CD200R1: variants seen among roughly 807,000 people sequenced by gnomAD.
CD200R1 encodes the protein CD200 receptor 1.
CD200R1 carries 30 observed loss-of-function variants against 38.1 expected under a neutral mutation model. That is an observed-to-expected ratio of 0.79 (90% CI 0.59 to 1.07). The LOEUF (loss-of-function observed/expected upper bound fraction) is 1.07, where lower values mean the gene tolerates loss of function less well. Among genes scored for constraint, CD200R1 ranks in the 50% least tolerant of loss-of-function variants. CD200R1 has a pLI of 0.00. For missense variants in CD200R1, 372 were observed against 415.4 expected (o/e 0.90, Z 0.91); for synonymous variants, 128 against 152.1 (o/e 0.84, Z 1.16).
intron 1 of CD200R1, among the ~76,000 whole-genome samples, chr3:112,964,078 G>C (rs1404244897): frequency 6.6e-6 from 1 of 152,184 alleles, no homozygotes; most frequent in Non-Finnish European, 1.5e-5. Context: ...GTCAAGAATG[G>C]GGGTTTGGGA....
intron 2 of CD200R1, among the ~76,000 whole-genome samples, chr3:112,938,485 A>G (rs1008936226): frequency 6.6e-6 from 1 of 152,134 alleles, no homozygotes; most frequent in African/African-American, 2.4e-5. Flanking sequence ...ACAACTACAC[A>G]TGAATAAATT....
chr3:112,947,947 G>T (rs116078143), intron 1 of CD200R1, 23 bp from the exon 2 acceptor site: 19,532 of 1,504,954 alleles, frequency 0.013, 171 homozygotes, highest in Non-Finnish European at 0.015. Context: ...AAAGACATAG[G>T]GGGTAGAGAG....
At chr3:112,949,700 A>C (rs1227712159) in intron 1 of CD200R1, among the ~76,000 whole-genome samples, 1 of 152,234 alleles carries the variant, frequency 6.6e-6, no homozygotes, top group Non-Finnish European at 1.5e-5. Flanking sequence ...AATTAACCCA[A>C]ACTGAAGTGA....
intron 6 of CD200R1, 136 bp downstream of exon 6, chr3:112,924,949 T>C (rs1204754119): frequency 1.5e-6 from 1 of 662,072 alleles, no homozygotes; most frequent in East Asian, 2.9e-5. Context: ...TCCAAGTCTA[T>C]CTAACACCTT....
At chr3:112,965,853 C>T (rs374929930) in intron 1 of CD200R1, among the ~76,000 whole-genome samples, 1 of 152,052 alleles carries the variant, frequency 6.6e-6, no homozygotes, top group Non-Finnish European at 1.5e-5. Context: ...AATGAGGAAG[C>T]TAACTGGTCA....
chr3:112,947,204 C>T (rs1462868678), intron 2 of CD200R1, among the ~76,000 whole-genome samples: 1 of 152,100 alleles, frequency 6.6e-6, no homozygotes, highest in Non-Finnish European at 1.5e-5. Flanking sequence ...ATGGTGGAGA[C>T]ATGTCATTAT....
chr3:112,935,953 T>A (rs1282375494), intron 2 of CD200R1, among the ~76,000 whole-genome samples: 9 of 152,064 alleles, frequency 5.9e-5, no homozygotes, highest in Admixed American at 3.3e-4. Context: ...CTCCTCCCAC[T>A]CCCCACCCTC....
chr3:112,950,300 G>C (rs1940948537), intron 1 of CD200R1, among the ~76,000 whole-genome samples: 1 of 151,806 alleles, frequency 6.6e-6, no homozygotes. Context: ...TACTTGGGAG[G>C]CTGATGCAGA....
At chr3:112,964,881 G>A (rs912482616) in intron 1 of CD200R1, among the ~76,000 whole-genome samples, 13 of 152,072 alleles carry the variant, frequency 8.5e-5, no homozygotes, top group Admixed American at 5.9e-4. Context: ...TGAACCATGG[G>A]GGCAGGTCTT....
chr3:112,948,556 T>A (rs1469491797), intron 1 of CD200R1, among the ~76,000 whole-genome samples: 1 of 152,196 alleles, frequency 6.6e-6, no homozygotes, highest in African/African-American at 2.4e-5. Context: ...ATAGGGTTCA[T>A]GCTCCTGTGA....
At chr3:112,951,990 T>C (rs535833227) in intron 1 of CD200R1, among the ~76,000 whole-genome samples, 29 of 151,430 alleles carry the variant, frequency 1.9e-4, no homozygotes, top group Non-Finnish European at 3.4e-4. Context: ...AATTCTAAAA[T>C]TTATATATGA....
At chr3:112,938,074 C>A (rs2107314582) in intron 2 of CD200R1, among the ~76,000 whole-genome samples, 1 of 152,228 alleles carries the variant, frequency 6.6e-6, no homozygotes, top group South Asian at 2.1e-4. Flanking sequence ...TACTTATCAG[C>A]TTAAGAAGCT....
At chr3:112,970,922 T>A (rs1425318009) in intron 1 of CD200R1, among the ~76,000 whole-genome samples, 2 of 152,196 alleles carry the variant, frequency 1.3e-5, no homozygotes, top group Non-Finnish European at 2.9e-5. Flanking sequence ...TCCTATCTTT[T>A]ATAGACTGGA....
chr3:112,972,314 C>A (rs1559704518), intron 1 of CD200R1, among the ~76,000 whole-genome samples: 1 of 152,182 alleles, frequency 6.6e-6, no homozygotes, highest in Non-Finnish European at 1.5e-5. Flanking sequence ...GCCAAAGCTA[C>A]CTTAGAGCCC....
chr3:112,974,406 A>C (rs1933389238), intron 1 of CD200R1, among the ~76,000 whole-genome samples: 1 of 152,192 alleles, frequency 6.6e-6, no homozygotes, highest in African/African-American at 2.4e-5. Context: ...ACTGCACTCC[A>C]GCCTGGGCAA....
At chr3:112,970,132 T>G (rs900825794) in intron 1 of CD200R1, among the ~76,000 whole-genome samples, 1 of 152,126 alleles carries the variant, frequency 6.6e-6, no homozygotes, top group African/African-American at 2.4e-5. Flanking sequence ...AAGCCATGAT[T>G]GCACCACTGC....
chr3:112,937,228 G>A lies in CD200R1; in HGVS notation c.137-6057C>T, dbSNP rs113267153. 7.3e-4 allele frequency among the ~76,000 whole-genome samples: 111 copies of A among 152,220 alleles called. 1 individual carries two copies. Among genetic ancestry groups the A allele is most frequent in the African/African-American group, 2.5e-3 (104 of 41,548 alleles). ...CCCTTATAAAACCGTCAAATCTCAT[G>A]AGAATTCACTCACTATCATGAGAAC... On this transcript the variant is annotated intron_variant, in intron 2 of 7. Coordinates refer to ENST00000308611, the MANE Select transcript of CD200R1 (RefSeq NM_138806.4).
At chr3:112,926,083 C>A (rs1940274790) in intron 5 of CD200R1, among the ~76,000 whole-genome samples, 1 of 152,096 alleles carries the variant, frequency 6.6e-6, no homozygotes, top group Admixed American at 6.6e-5. Flanking sequence ...GGAAAAGTAA[C>A]CCTAATTCTG....
intron 1 of CD200R1, among the ~76,000 whole-genome samples, chr3:112,960,736 G>T (rs943044443): frequency 1.3e-5 from 2 of 151,970 alleles, no homozygotes; most frequent in South Asian, 4.1e-4. Context: ...TTAACGCAGA[G>T]GTTGGGGGAT....
Sources: gnomAD v4.1 joint callset for allele counts (sites outside exome capture counted in the v4.1 genomes callset) on GRCh38, gnomAD v4.1.1 for gene constraint, MANE v1.5 for transcripts, NCBI Gene and HGNC (gene_info 2026-07-23, HGNC 2026-07-21) for gene names.